Variants in AP3B1 observed in about 807,000 individuals in gnomAD.
AP3B1 encodes the protein adaptor related protein complex 3 subunit beta 1.
AP3B1 carries 61 observed loss-of-function variants against 132.5 expected under a neutral mutation model. The observed-to-expected ratio is 0.46, with a 90% confidence interval of 0.37 to 0.57. The LOEUF (loss-of-function observed/expected upper bound fraction) is 0.57. Among genes scored for constraint, AP3B1 ranks in the 20% least tolerant of loss-of-function variants. The pLI is 0.00. For missense variants in AP3B1, 1,120 were observed against 1,289.4 expected (o/e 0.87, Z 2.01); for synonymous variants, 388 against 438.3 (o/e 0.89, Z 1.43).
In AP3B1 at chr5:78,002,681, C is replaced by T; in HGVS notation, c.*221G>A. 2 of 619,006 alleles carry T rather than the reference C, an allele frequency of 3.2e-6. No individual in the cohort carries two copies. Among genetic ancestry groups the T allele is most frequent in the Non-Finnish European group, 5.7e-6 (2 of 350,426 alleles). 38.3% of individuals were successfully genotyped at this position (619,006 alleles called of 1,614,324 possible). A position where few individuals can be genotyped will look rare whatever the true frequency, so the allele number is the denominator to read the frequency against. On this transcript the variant is annotated 3_prime_UTR_variant, in exon 27 of 27. Coordinates refer to ENST00000255194, the MANE Select transcript of AP3B1 (RefSeq NM_003664.5). ...TGGATTCAAGAGTTGAGACAACTGA[C>T]AGTAAAATATATGCTCTTTGGTTAG...
At chr5:78,249,230 GA>G (rs1375127477) in intron 2 of AP3B1, among the ~76,000 whole-genome samples, 38 of 151,964 alleles carry the variant, frequency 2.5e-4, no homozygotes, top group African/African-American at 8.7e-4. Context: ...TGGGGCTGGG[GA>G]GCGGGGGCAC....
chr5:78,215,051 ATTTG>A (rs1745900557), intron 7 of AP3B1, among the ~76,000 whole-genome samples: 1 of 152,122 alleles, frequency 6.6e-6, no homozygotes, highest in African/African-American at 2.4e-5. Context: ...TTTTATAATA[ATTTG>A]CAAGCTTGAT....
chr5:78,092,838 A>G (rs1384764527), intron 21 of AP3B1, among the ~76,000 whole-genome samples: 14 of 152,008 alleles, frequency 9.2e-5, no homozygotes. Flanking sequence ...TTGTAGAGAC[A>G]GGAGTCTCAC....
rs1386717601 is a variant in AP3B1, at chr5:78,162,935, T to G, written c.1247A>C (p.Gln416Pro). 6.2e-7 allele frequency: 1 copy of G among 1,613,946 alleles called. No homozygotes were observed. The highest frequency in any genetic ancestry group is 8.5e-7 in the Non-Finnish European group (1 of 1,179,826). The change falls in exon 13 of 27, where the codon CAG becomes CCG. Residue 416 changes from glutamine to proline, a missense_variant. This residue lies in a region of AP3B1 where 906 missense variants were observed against 997.1 expected (regional missense o/e 0.91). Transcript: ENST00000255194. ...LREFQTYVKS[Q>P]DKQFAAATIQ... The stretch of plus-strand genomic sequence containing the variant: ...AGTGGCTGCTGCAAATTGTTTATCC[T>G]GGCTTTTCACATAGGTCTAAAAGAT...
At chr5:78,108,742 G>A (rs1461552213) in intron 20 of AP3B1, among the ~76,000 whole-genome samples, 1 of 152,114 alleles carries the variant, frequency 6.6e-6, no homozygotes, top group East Asian at 1.9e-4. Context: ...CTGACCTGGA[G>A]TGCCCCTGTG....
At chr5:78,176,241 A>AT (rs1469954700) in intron 9 of AP3B1, among the ~76,000 whole-genome samples, 2 of 152,092 alleles carry the variant, frequency 1.3e-5, no homozygotes, top group Non-Finnish European at 1.5e-5. Context: ...TAGTCATGTT[A>AT]TTTTTAGACC....
intron 17 of AP3B1, among the ~76,000 whole-genome samples, chr5:78,119,902 C>G (rs938964965): frequency 2.6e-4 from 40 of 152,174 alleles, no homozygotes; most frequent in African/African-American, 8.9e-4. Context: ...ATTCACCAAA[C>G]TTGAAATGAA....
At chr5:78,098,979 G>A (rs1161028673) in intron 21 of AP3B1, among the ~76,000 whole-genome samples, 6 of 152,200 alleles carry the variant, frequency 3.9e-5, no homozygotes, top group Non-Finnish European at 2.9e-5. Context: ...TCCAAAATTC[G>A]TGTTGAAACC....
At chr5:78,192,832 A>G (rs1744900390) in intron 7 of AP3B1, among the ~76,000 whole-genome samples, 1 of 152,182 alleles carries the variant, frequency 6.6e-6, no homozygotes. Context: ...TCATCTATCT[A>G]TGAACCAAGA....
At chr5:78,148,629 T>C (rs1233562152) in intron 14 of AP3B1, among the ~76,000 whole-genome samples, 1 of 152,186 alleles carries the variant, frequency 6.6e-6, no homozygotes, top group Admixed American at 6.5e-5. Flanking sequence ...TATGCCCCCT[T>C]CTTTATCAAG....
At chr5:78,097,126 A>T (rs1264294490) in intron 21 of AP3B1, among the ~76,000 whole-genome samples, 1 of 41,550 alleles carries the variant, frequency 2.4e-5, no homozygotes, top group Admixed American at 2.7e-4. Flanking sequence ...TCAGCCCCCC[A>T]CCCGGCCAGC....
At chr5:78,071,250 C>T (rs566772615) in intron 22 of AP3B1, among the ~76,000 whole-genome samples, 1 of 152,286 alleles carries the variant, frequency 6.6e-6, no homozygotes, top group Non-Finnish European at 1.5e-5. Context: ...AAGATCATGT[C>T]CTTCACAGGG....
chr5:78,153,531 G>GT (rs1302576234), intron 14 of AP3B1, among the ~76,000 whole-genome samples: 1 of 151,798 alleles, frequency 6.6e-6, no homozygotes, highest in African/African-American at 2.4e-5. Flanking sequence ...TGATTGGAGA[G>GT]TTTAGTCCAT....
At position 78,044,190 on chromosome 5, in the gene AP3B1, G is replaced by A. The variant is rs73132874; in HGVS notation, c.2578-4916C>T. 8.0e-3 allele frequency: 1,633 copies of A among 202,888 alleles called. 29 individuals are homozygous for A. Among genetic ancestry groups the A allele is most frequent in the African/African-American group, 0.036 (1,552 of 42,546 alleles). The allele number at this position is 202,888 out of a possible 1,614,324, so 12.6% of individuals were successfully genotyped here. A position where few individuals can be genotyped will look rare whatever the true frequency, so the allele number is the denominator to read the frequency against. On this transcript the variant is annotated intron_variant, in intron 22 of 26. Transcript: ENST00000255194. The stretch of plus-strand genomic sequence containing the variant: ...AGAGCAAGGTGGGCTGGGACTCTCC[G>A]ACATGCACATGGCACCAAGGCTGTA...
rs564399652 is a variant in AP3B1 at position 78,119,474 on chromosome 5, C to A, written c.1969-3240G>T. 1.4e-4 allele frequency among the ~76,000 whole-genome samples: 22 copies of A among 152,130 alleles called. No homozygotes were observed. In the South Asian group the frequency reaches 1.9e-3, roughly 13 times the overall value. On this transcript the variant is annotated intron_variant, in intron 17 of 26. Coordinates refer to ENST00000255194, the MANE Select transcript of AP3B1 (RefSeq NM_003664.5). ...TTAGACGAATGGATACCTAGAATAA[C>A]CAATGCAGAGAAGTCCTTAAAGGAG...
intron 22 of AP3B1, among the ~76,000 whole-genome samples, chr5:78,086,964 G>A (rs1750287221): frequency 6.6e-6 from 1 of 151,988 alleles, no homozygotes; most frequent in African/African-American, 2.4e-5. Flanking sequence ...ACCACAACCC[G>A]TAGCATTTGC....
chr5:78,282,063 G>A lies in AP3B1; in HGVS notation c.128+12389C>T, dbSNP rs910087027. 8.6e-5 allele frequency among the ~76,000 whole-genome samples: 13 copies of A among 152,030 alleles called. No homozygotes were observed. In the South Asian group the frequency reaches 1.7e-3, roughly 19 times the overall value. ...CTCTACCTGAAAGCCAAAGTTCTTC[G>A]GAGAAGTGATCTTCTTTTACTCACT... On this transcript the variant is annotated intron_variant, in intron 1 of 26. Transcript: ENST00000255194.
intron 7 of AP3B1, among the ~76,000 whole-genome samples, chr5:78,211,927 C>A (rs1320775849): frequency 1.3e-5 from 2 of 152,152 alleles, no homozygotes. Context: ...ATATCAATTT[C>A]TTCATATATA....
At chr5:78,092,622 T>C (rs761049882) in intron 21 of AP3B1, among the ~76,000 whole-genome samples, 22 of 152,244 alleles carry the variant, frequency 1.4e-4, no homozygotes, top group Non-Finnish European at 2.9e-4. Flanking sequence ...ATTAATACTG[T>C]GTAAGCTGGT....
Sources: allele counts gnomAD v4.1 joint callset (sites outside exome capture counted in the v4.1 genomes callset), GRCh38; gene constraint gnomAD v4.1.1; regional missense constraint gnomAD v4.1.1; transcripts MANE v1.5; gene names NCBI Gene and HGNC (gene_info 2026-07-23, HGNC 2026-07-21).